Variants in NAALADL2 observed in about 807,000 individuals in gnomAD.
NAALADL2 encodes inactive N-acetylated-alpha-linked acidic dipeptidase-like protein 2.
A neutral mutation model predicts 87.2 loss-of-function variants in NAALADL2; 76 were observed. That is an observed-to-expected ratio of 0.87 (90% CI 0.72 to 1.05). The LOEUF is 1.05. Ranked by LOEUF, NAALADL2 falls within the 50% of genes least tolerant of loss-of-function variation. NAALADL2 has a pLI of 0.00. For missense variants in NAALADL2, 1,089 were observed against 945.8 expected (o/e 1.15, Z -1.99); for synonymous variants, 354 against 331.0 (o/e 1.07, Z -0.75).
At chr3:175,094,714 C>A (rs1720797504) in intron 1 of NAALADL2, among the ~76,000 whole-genome samples, 1 of 143,452 alleles carries the variant, frequency 7.0e-6, no homozygotes, top group Admixed American at 7.2e-5. Flanking sequence ...ATTTTAATCT[C>A]TACACATAGA....
intron 11 of NAALADL2, among the ~76,000 whole-genome samples, chr3:175,642,323 T>C (rs73049343): frequency 0.011 from 1,680 of 152,308 alleles, 18 homozygotes; most frequent in African/African-American, 0.038. Context: ...AACTTTCAGA[T>C]TCAAGAATGT....
At chr3:174,461,747 G>C (rs1042995316) in intron 1 of NAALADL2, among the ~76,000 whole-genome samples, 1 of 151,948 alleles carries the variant, frequency 6.6e-6, no homozygotes, top group Admixed American at 6.6e-5. Flanking sequence ...TGATAGCTTT[G>C]GAATTTCTAT....
chr3:174,914,050 T>TA (rs1734050599), intron 1 of NAALADL2, among the ~76,000 whole-genome samples: 3 of 150,826 alleles, frequency 2.0e-5, no homozygotes, highest in African/African-American at 7.3e-5. Flanking sequence ...TATATATATA[T>TA]TCCTTTTCTT....
chr3:174,948,894 A>C (rs1166826449), intron 1 of NAALADL2, among the ~76,000 whole-genome samples: 1 of 152,200 alleles, frequency 6.6e-6, no homozygotes, highest in Non-Finnish European at 1.5e-5. Flanking sequence ...TAAACAACAG[A>C]AATTTTATTT....
At position 174,951,252 on chromosome 3, in the gene NAALADL2, T is replaced by C. The variant is rs1461346486; in HGVS notation, c.43+91802T>C. Among the ~76,000 whole-genome samples the C allele has an allele frequency of 1.3e-5, 2 of 152,236 alleles. 1 individual carries two copies. Among genetic ancestry groups the C allele is most frequent in the African/African-American group, 4.8e-5 (2 of 41,572 alleles). On this transcript the variant is annotated intron_variant, in intron 1 of 13. Coordinates refer to ENST00000454872, the MANE Select transcript of NAALADL2 (RefSeq NM_207015.3). ...GTAGCAAAAATACCTTCATGAGTCA[T>C]GTTAAGTTGAGACGTGAATGTAATT...
At chr3:175,442,501 T>C (rs994913111) in intron 5 of NAALADL2, among the ~76,000 whole-genome samples, 3 of 152,176 alleles carry the variant, frequency 2.0e-5, no homozygotes, top group African/African-American at 2.4e-5. Context: ...TGAACTAATA[T>C]ACTATTTTTA....
At chr3:175,058,940 C>G (rs1363770618) in intron 1 of NAALADL2, among the ~76,000 whole-genome samples, 1 of 152,140 alleles carries the variant, frequency 6.6e-6, no homozygotes, top group East Asian at 1.9e-4. Flanking sequence ...ACCTACTAGT[C>G]TTGACTGAAA....
At chr3:175,541,729 TG>T (rs1481604330) in intron 9 of NAALADL2, among the ~76,000 whole-genome samples, 1 of 152,122 alleles carries the variant, frequency 6.6e-6, no homozygotes, top group Non-Finnish European at 1.5e-5. Flanking sequence ...TCTGCTTGTT[TG>T]TTTGTTTTTT....
chr3:175,484,817 T>C (rs1012101796), intron 9 of NAALADL2, among the ~76,000 whole-genome samples: 2 of 152,132 alleles, frequency 1.3e-5, no homozygotes, highest in Non-Finnish European at 2.9e-5. Context: ...TGCTTTTTTG[T>C]CACATGGAAA....
At chr3:174,530,902 T>C (rs1289038674) in intron 1 of NAALADL2, among the ~76,000 whole-genome samples, 4 of 152,228 alleles carry the variant, frequency 2.6e-5, no homozygotes, top group Non-Finnish European at 5.9e-5. Flanking sequence ...ACTTAAAATA[T>C]TGAAAGGAAC....
At chr3:174,872,721 T>TACACAC (rs1170042489) in intron 1 of NAALADL2, among the ~76,000 whole-genome samples, 5 of 145,234 alleles carry the variant, frequency 3.4e-5, no homozygotes, top group Non-Finnish European at 6.0e-5. Flanking sequence ...TGTATTCATC[T>TACACAC]ACACACACAC....
At chr3:175,077,086 AT>A (rs1363596868) in intron 1 of NAALADL2, among the ~76,000 whole-genome samples, 2 of 152,326 alleles carry the variant, frequency 1.3e-5, no homozygotes, top group East Asian at 3.9e-4. Flanking sequence ...TAGAAAAAAA[AT>A]GTTTTCAAAT....
chr3:175,506,283 T>C (rs1406053675), intron 9 of NAALADL2, among the ~76,000 whole-genome samples: 2 of 152,252 alleles, frequency 1.3e-5, no homozygotes, highest in Non-Finnish European at 2.9e-5. Flanking sequence ...TTTATTGCAC[T>C]ACACATGCAT....
chr3:175,094,548 TG>T (rs1326949073), intron 1 of NAALADL2, among the ~76,000 whole-genome samples: 1 of 151,976 alleles, frequency 6.6e-6, no homozygotes. Flanking sequence ...TTCCTTTCTC[TG>T]CTTGTCTTGA....
chr3:175,469,664 T>C (rs1724587058), intron 8 of NAALADL2, among the ~76,000 whole-genome samples: 1 of 152,030 alleles, frequency 6.6e-6, no homozygotes, highest in East Asian at 1.9e-4. Context: ...CAGAGGCTAT[T>C]GTGGAAATAT....
At chr3:174,540,996 G>A (rs1722174691) in intron 1 of NAALADL2, among the ~76,000 whole-genome samples, 1 of 152,116 alleles carries the variant, frequency 6.6e-6, no homozygotes. Flanking sequence ...AACAGGGATG[G>A]CACAGTTCCT....
At chr3:175,342,429 A>G (rs552599098) in intron 5 of NAALADL2, among the ~76,000 whole-genome samples, 3 of 152,118 alleles carry the variant, frequency 2.0e-5, no homozygotes, top group Non-Finnish European at 4.4e-5. Flanking sequence ...GGTAGTGAGC[A>G]TTATTAAAGT....
intron 2 of NAALADL2, among the ~76,000 whole-genome samples, chr3:175,135,820 A>T (rs1729034260): frequency 6.6e-6 from 1 of 152,198 alleles, no homozygotes; most frequent in South Asian, 2.1e-4. Flanking sequence ...GCACCAGAAA[A>T]ATTGGAAGTT....
At chr3:175,613,238 C>G (rs1724883476) in intron 10 of NAALADL2, among the ~76,000 whole-genome samples, 2 of 152,132 alleles carry the variant, frequency 1.3e-5, no homozygotes, top group Non-Finnish European at 2.9e-5. Flanking sequence ...CGTTATGGTA[C>G]TAATTCCTTT....
Sources: allele counts gnomAD v4.1 joint callset (sites outside exome capture counted in the v4.1 genomes callset), GRCh38; gene constraint gnomAD v4.1.1; transcripts MANE v1.5; gene names NCBI Gene and HGNC (gene_info 2026-07-23, HGNC 2026-07-21).